ADSL: variants seen among roughly 807,000 people sequenced by gnomAD.
ADSL encodes adenylosuccinase.
A neutral mutation model predicts 62.1 loss-of-function variants in ADSL; 44 were observed. The ratio of observed to expected loss-of-function variants is 0.71; its 90% CI spans 0.56 to 0.91. ADSL has a LOEUF of 0.91. Ranked by LOEUF, ADSL falls within the 40% of genes least tolerant of loss-of-function variation. The pLI is 0.00. For synonymous variants in ADSL, 198 were observed against 220.5 expected (o/e 0.90, Z 0.90); for missense variants, 531 against 627.4 (o/e 0.85, Z 1.64).
intron 1 of ADSL, chr22:40,348,768 C>G (rs1173378516): frequency 1.3e-5 from 5 of 394,426 alleles, no homozygotes; most frequent in African/African-American, 6.2e-5. Context: ...TAAAAAAGAT[C>G]TAAGATGCAA....
At chr22:40,378,843 C>T (rs958989106) in intron 2 of ADSL, among the ~76,000 whole-genome samples, 3 of 152,212 alleles carry the variant, frequency 2.0e-5, no homozygotes, top group Non-Finnish European at 4.4e-5. Flanking sequence ...AATCTGCAGA[C>T]TCCGAGACCT....
At chr22:40,364,695 T>C (rs761067531) in intron 11 of ADSL, 185 bp from the exon 12 acceptor site, 25 of 675,772 alleles carry the variant, frequency 3.7e-5, no homozygotes, top group Non-Finnish European at 6.0e-5. Flanking sequence ...ATTTCAGGCT[T>C]GTCCTAAGAT....
downstream of ADSL, chr22:40,373,402 T>C (rs532357110): frequency 2.0e-5 from 3 of 152,214 alleles, no homozygotes; most frequent in African/African-American, 4.8e-5. Flanking sequence ...CCTTCATTCA[T>C]TGCAGTCTGA....
intron 11 of ADSL, 64 bp downstream of exon 11, chr22:40,364,429 G>T: frequency 7.3e-7 from 1 of 1,374,664 alleles, no homozygotes; most frequent in Non-Finnish European, 1.0e-6. Context: ...TCTCTTCTCC[G>T]TGAAGGAGAG....
rs570943329 is a variant in ADSL at position 40,359,397 on chromosome 22, C to T, written c.701+91C>T. 3.1e-6 allele frequency: 4 copies of T among 1,281,614 alleles called. No homozygotes were observed. In the South Asian group the frequency reaches 4.9e-5, roughly 16 times the overall value. 79.4% of individuals were successfully genotyped at this position (1,281,614 alleles called of 1,614,324 possible). A position where few individuals can be genotyped will look rare whatever the true frequency, so the allele number is the denominator to read the frequency against. On this transcript the variant is annotated intron_variant, in intron 6 of 12. Transcript: ENST00000623063. Reference sequence around the variant, plus strand: ...GCAGATTTGACCTTACAATTTTTGCCTTTTTCTTCCTTTGTTCTTCTACCC... The same window carrying T: ...GCAGATTTGACCTTACAATTTTTGCTTTTTTCTTCCTTTGTTCTTCTACCC...
intron 3 of ADSL, among the ~76,000 whole-genome samples, chr22:40,353,657 G>A (rs758484870): frequency 8.3e-6 from 1 of 120,866 alleles, no homozygotes; most frequent in Admixed American, 1.1e-4. Context: ...ATGGAGTCTC[G>A]CTCAGTTACC....
chr22:40,380,421 C>T, intron 2 of ADSL, among the ~76,000 whole-genome samples: 1 of 147,272 alleles, frequency 6.8e-6, no homozygotes. Context: ...GGCTGGAGTG[C>T]AGTGGCACTA....
chr22:40,361,775 A>C, intron 9 of ADSL, 140 bp downstream of exon 9: 1 of 1,101,990 alleles, frequency 9.1e-7, no homozygotes, highest in East Asian at 2.5e-5. Context: ...AGGCAAAAAC[A>C]TAAAAAGGAC....
chr22:40,384,584 T>TC (rs1399722631), intron 2 of ADSL, among the ~76,000 whole-genome samples: 34 of 152,196 alleles, frequency 2.2e-4, no homozygotes, highest in African/African-American at 7.7e-4. Flanking sequence ...ATCGAGACCA[T>TC]CCTGGCTAAC....
chr22:40,347,903 G>T (rs1670739289), intron 1 of ADSL, among the ~76,000 whole-genome samples: 1 of 152,228 alleles, frequency 6.6e-6, no homozygotes, highest in Admixed American at 6.5e-5. Flanking sequence ...ATGTACTAGT[G>T]TGTACTCTTT....
rs1464501240 is a variant in ADSL at position 40,346,584 on chromosome 22, C to T, written c.26C>T (p.Ser9Leu). The stretch of plus-strand genomic sequence containing the variant: ...ATGGCGGCTGGAGGCGATCATGGTT[C>T]GCCCGACAGCTACCGCTCACCTCTT... MAAGGDHG[S>L]PDSYRSPLAS... The change falls in exon 1 of 13, where the codon TCG (serine) becomes TTG (leucine). Residue 9 changes from serine to leucine, a missense_variant. Ser to Leu is a moderately radical substitution (Grantham distance 145). Around this residue, in one of 2 missense-constraint regions of ADSL, gnomAD observed 60 missense variants for 34.5 expected, o/e 1.74. Transcript: ENST00000623063. The T allele has an allele frequency of 1.2e-6, 2 of 1,605,786 alleles. No homozygotes were observed. Among genetic ancestry groups the T allele is most frequent in the East Asian group, 2.2e-5 (1 of 44,552 alleles).
intron 2 of ADSL, among the ~76,000 whole-genome samples, chr22:40,383,473 A>G (rs1025718526): frequency 3.9e-5 from 6 of 151,992 alleles, no homozygotes; most frequent in African/African-American, 1.5e-4. Context: ...TCTCAAAAAA[A>G]AAAAAAAAAA....
intron 2 of ADSL, among the ~76,000 whole-genome samples, chr22:40,375,222 T>A (rs2046353067): frequency 6.6e-6 from 1 of 152,200 alleles, no homozygotes; most frequent in Admixed American, 6.5e-5. Context: ...GTAAATTGTT[T>A]TGGGAGGTTA....
chr22:40,372,347 G>A (rs1203897324), downstream of ADSL, among the ~76,000 whole-genome samples: 3 of 151,358 alleles, frequency 2.0e-5, no homozygotes, highest in East Asian at 5.9e-4. Context: ...AGATGGTCTC[G>A]ATCTCCTGAC....
At chr22:40,364,516 A>T in intron 11 of ADSL, 151 bp downstream of exon 11, 2 of 772,544 alleles carry the variant, frequency 2.6e-6, no homozygotes, top group Non-Finnish European at 4.4e-6. Context: ...CCATCTATGG[A>T]GGGTGATTTT....
chr22:40,371,203 A>T (rs1159733710), downstream of ADSL, among the ~76,000 whole-genome samples: 1 of 152,242 alleles, frequency 6.6e-6, no homozygotes, highest in Non-Finnish European at 1.5e-5. Context: ...CACGGGGGAA[A>T]CTGAGGCATA....
rs896697248 is a variant in ADSL, at chr22:40,367,711, G to C, written c.*1189G>C. ...CCCATTCTCATCCTACATATTTTTC[G>C]GCATAGATGAAAATGAAAGCTTTTG... On this transcript the variant is annotated 3_prime_UTR_variant, in exon 13 of 13. Coordinates refer to ENST00000623063, the MANE Select transcript of ADSL (RefSeq NM_000026.4). 1.8e-5 allele frequency: 3 copies of C among 164,558 alleles called. No homozygotes were observed. The Admixed American group carries it at 2.0e-4, about 11-fold the overall frequency. The allele number at this position is 164,558 out of a possible 1,614,324, so 10.2% of individuals were successfully genotyped here. A position where few individuals can be genotyped will look rare whatever the true frequency, so the allele number is the denominator to read the frequency against.
intron 2 of ADSL, among the ~76,000 whole-genome samples, chr22:40,379,195 G>A (rs2047154622): frequency 6.6e-6 from 1 of 152,128 alleles, no homozygotes; most frequent in Non-Finnish European, 1.5e-5. Flanking sequence ...TCTATTTTGA[G>A]CACTTCTGTG....
At chr22:40,384,117 G>A (rs565417454) in intron 2 of ADSL, among the ~76,000 whole-genome samples, 3 of 152,148 alleles carry the variant, frequency 2.0e-5, no homozygotes, top group South Asian at 4.1e-4. Flanking sequence ...GATGGCATGC[G>A]CCCGTAGTCC....
Sources: allele counts gnomAD v4.1 joint callset (sites outside exome capture counted in the v4.1 genomes callset), GRCh38; gene constraint gnomAD v4.1.1; regional missense constraint gnomAD v4.1.1; transcripts MANE v1.5; gene names NCBI Gene and HGNC (gene_info 2026-07-23, HGNC 2026-07-21).